The following SMCO2 variants were observed in gnomAD, a reference collection of about 807,000 sequenced individuals.
The protein encoded by SMCO2 is single-pass membrane and coiled-coil domain-containing protein 2.
A neutral mutation model predicts 29.5 loss-of-function variants in SMCO2; 25 were observed. That is an observed-to-expected ratio of 0.85 (90% confidence interval 0.62 to 1.18). The LOEUF (loss-of-function observed/expected upper bound fraction) is 1.18, where lower values mean the gene tolerates loss of function less well. Ranked by LOEUF, SMCO2 falls within the 50% of genes most tolerant of loss-of-function variation. The probability of loss-of-function intolerance (pLI) is 0.00; values close to 1 mark genes in which losing one functional copy is unlikely to be tolerated. For synonymous variants in SMCO2, 117 were observed against 123.3 expected (o/e 0.95, Z 0.34); for missense variants, 348 against 344.5 (o/e 1.01, Z -0.08).
chr12:27,470,794 G>A (rs1471140639), intron 2 of SMCO2, 29 bp downstream of exon 2: 1 of 1,546,734 alleles, frequency 6.5e-7, no homozygotes, highest in Non-Finnish European at 8.7e-7. Flanking sequence ...TGCAGAAGCA[G>A]TTTCTAGGGT....
chr12:27,479,315 G>A (rs1228869020), intron 4 of SMCO2, among the ~76,000 whole-genome samples: 1 of 152,158 alleles, frequency 6.6e-6, no homozygotes, highest in African/African-American at 2.4e-5. Flanking sequence ...TGGGTGGTAT[G>A]CACAGGTGCC....
At chr12:27,477,399 T>C (rs1318155673) in intron 4 of SMCO2, among the ~76,000 whole-genome samples, 1 of 151,984 alleles carries the variant, frequency 6.6e-6, no homozygotes, top group Non-Finnish European at 1.5e-5. Flanking sequence ...ACAGTTTGCC[T>C]GTCATGAGCC....
At chr12:27,432,690 C>A in the SMCO2 span, among the ~76,000 whole-genome samples, 1 of 152,180 alleles carries the variant, frequency 6.6e-6, no homozygotes, top group African/African-American at 2.4e-5. Context: ...CTCCAGGCAA[C>A]CATTCATGAT....
chr12:27,469,407 C>T (rs1043737218), intron 1 of SMCO2, among the ~76,000 whole-genome samples: 2 of 152,186 alleles, frequency 1.3e-5, no homozygotes, highest in African/African-American at 4.8e-5. Context: ...CTCAATTCTG[C>T]CACAGAATGA....
chr12:27,465,561 G>A (rs1018154615), upstream of SMCO2, among the ~76,000 whole-genome samples: 2 of 152,162 alleles, frequency 1.3e-5, no homozygotes, highest in African/African-American at 4.8e-5. Context: ...CTGAAGAAAT[G>A]CTCAGGGTGA....
the SMCO2 span, among the ~76,000 whole-genome samples, chr12:27,439,767 T>C: frequency 5.3e-5 from 8 of 152,050 alleles, no homozygotes; most frequent in Non-Finnish European, 1.2e-4. Flanking sequence ...ATCAGTGAGC[T>C]TGAAGACTGG....
chr12:27,470,843 G>A (rs1949535555), intron 2 of SMCO2, 78 bp downstream of exon 2: 11 of 1,461,542 alleles, frequency 7.5e-6, no homozygotes, highest in East Asian at 5.0e-5. Context: ...GTATGCAAAC[G>A]ATGAGATTTC....
chr12:27,481,674 C>A lies in SMCO2; in HGVS notation c.362+6761C>A, dbSNP rs138646872. 2.7e-3 allele frequency among the ~76,000 whole-genome samples: 415 copies of A among 152,102 alleles called. 1 individual carries two copies. Among genetic ancestry groups the A allele is most frequent in the African/African-American group, 9.4e-3 (388 of 41,490 alleles). On this transcript the variant is annotated intron_variant, in intron 4 of 7. Coordinates refer to ENST00000298876, the Ensembl canonical transcript of SMCO2. ...AATTTTATTTTGTATCTATTAATTTCTTTAATAGATGTAATAGGGCTATTC... is the reference window on the plus strand; with the variant it reads ...AATTTTATTTTGTATCTATTAATTTATTTAATAGATGTAATAGGGCTATTC...
chr12:27,464,226 G>T (rs1485958883), upstream of SMCO2, among the ~76,000 whole-genome samples: 4 of 152,202 alleles, frequency 2.6e-5, no homozygotes, highest in East Asian at 7.7e-4. Context: ...TGGAAAAAAG[G>T]CTGCACACAG....
At chr12:27,446,511 G>A in the SMCO2 span, 2 of 152,154 alleles carry the variant, frequency 1.3e-5, no homozygotes, top group Non-Finnish European at 1.5e-5. Flanking sequence ...TTTATAAATT[G>A]GATCAATCCC....
At chr12:27,458,105 T>A in the SMCO2 span, among the ~76,000 whole-genome samples, 1 of 152,238 alleles carries the variant, frequency 6.6e-6, no homozygotes, top group African/African-American at 2.4e-5. Flanking sequence ...TAAATTAATA[T>A]GCAGTTATTT....
chr12:27,485,315 A>G (rs956605233), intron 4 of SMCO2, among the ~76,000 whole-genome samples: 3 of 151,836 alleles, frequency 2.0e-5, no homozygotes, highest in Non-Finnish European at 4.4e-5. Flanking sequence ...TCTATTTTTC[A>G]TATCTCTCCT....
intron 7 of SMCO2, chr12:27,498,473 G>A (rs1943038261): frequency 4.6e-6 from 1 of 219,734 alleles, no homozygotes; most frequent in Non-Finnish European, 9.6e-6. Context: ...GAGAAAGATC[G>A]ACAAGAGTGG....
At chr12:27,464,800 T>C (rs1949485169), upstream of SMCO2, among the ~76,000 whole-genome samples, 1 of 143,546 alleles carries the variant, frequency 7.0e-6, no homozygotes, top group Non-Finnish European at 1.5e-5. Flanking sequence ...GACGGGTGGA[T>C]CACGAGGTCG....
chr12:27,479,178 A>T (rs970091887), intron 4 of SMCO2, among the ~76,000 whole-genome samples: 1 of 152,034 alleles, frequency 6.6e-6, no homozygotes, highest in Non-Finnish European at 1.5e-5. Flanking sequence ...GCCTGTCATC[A>T]GGTCCCCTGA....
the SMCO2 span, among the ~76,000 whole-genome samples, chr12:27,439,411 C>G: frequency 1.3e-5 from 2 of 152,140 alleles, no homozygotes; most frequent in African/African-American, 2.4e-5. Flanking sequence ...ACTTGAATAA[C>G]TAATCCTTCA....
upstream of SMCO2, chr12:27,466,750 G>C (rs1412770603): frequency 6.6e-6 from 1 of 152,310 alleles, no homozygotes; most frequent in Non-Finnish European, 1.5e-5. Context: ...TTGTGAGAGG[G>C]GGTTACAGGC....
the SMCO2 span, among the ~76,000 whole-genome samples, chr12:27,450,437 T>C: frequency 6.6e-6 from 1 of 152,240 alleles, no homozygotes; most frequent in African/African-American, 2.4e-5. Flanking sequence ...CTGAGGCTTC[T>C]TCTCACCTAG....
the SMCO2 span, among the ~76,000 whole-genome samples, chr12:27,459,004 G>A: frequency 1.3e-5 from 2 of 151,490 alleles, no homozygotes; most frequent in Non-Finnish European, 2.9e-5. Context: ...TGGCTAACAC[G>A]GTGAAACCCC....
Sources: gnomAD v4.1 joint callset for allele counts (sites outside exome capture counted in the v4.1 genomes callset) on GRCh38, gnomAD v4.1.1 for gene constraint, MANE v1.5 for transcripts, NCBI Gene and HGNC (gene_info 2026-07-23, HGNC 2026-07-21) for gene names.